Variants in NRG1 observed in about 807,000 individuals in gnomAD.
NRG1 encodes neuregulin 1.
Under a neutral mutation model 63.8 loss-of-function variants are expected in NRG1, and 18 were observed. That is an observed-to-expected ratio of 0.28 (90% CI 0.19 to 0.42). The LOEUF is 0.42. Ranked by LOEUF, NRG1 falls within the 10% of genes least tolerant of loss-of-function variation. The pLI is 1.00. For missense variants in NRG1, 762 were observed against 814.7 expected, an observed-to-expected ratio of 0.94 and a Z score of 0.79; for synonymous variants, 302 against 301.3, an observed-to-expected ratio of 1.00 and a Z score of -0.02.
intron 3 of NRG1, among the ~76,000 whole-genome samples, chr8:32,607,866 T>C (rs1845528559): frequency 6.6e-6 from 1 of 152,174 alleles, no homozygotes. Context: ...AATAGGTTCC[T>C]ATGGACTTAT....
chr8:32,741,000 G>T (rs973417808), intron 6 of NRG1, among the ~76,000 whole-genome samples: 2 of 152,032 alleles, frequency 1.3e-5, no homozygotes, highest in Admixed American at 6.6e-5. Flanking sequence ...CAAAATGATG[G>T]TCTTTCTATC....
At chr8:32,374,194 A>T (rs1490421203) in intron 1 of NRG1, among the ~76,000 whole-genome samples, 4 of 152,206 alleles carry the variant, frequency 2.6e-5, no homozygotes, top group Non-Finnish European at 5.9e-5. Flanking sequence ...GGAAATAGTG[A>T]GAAATACTCA....
intron 1 of NRG1, among the ~76,000 whole-genome samples, chr8:31,856,456 A>G (rs1827882881): frequency 6.6e-6 from 1 of 152,186 alleles, no homozygotes; most frequent in African/African-American, 2.4e-5. Context: ...CTTGGTTTTT[A>G]GCTCCATCAG....
At chr8:31,790,551 C>T (rs1275128216) in intron 1 of NRG1, among the ~76,000 whole-genome samples, 4 of 152,184 alleles carry the variant, frequency 2.6e-5, no homozygotes, top group Non-Finnish European at 5.9e-5. Flanking sequence ...CACAAGAATA[C>T]ATTTATTGGT....
At chr8:32,723,814 A>G (rs952945293) in intron 5 of NRG1, among the ~76,000 whole-genome samples, 7 of 151,658 alleles carry the variant, frequency 4.6e-5, no homozygotes, top group Non-Finnish European at 1.0e-4. Context: ...GGCAGGCTGA[A>G]AGGAAGAAAG....
intron 1 of NRG1, among the ~76,000 whole-genome samples, chr8:32,363,344 T>C (rs1363057771): frequency 6.6e-6 from 1 of 152,194 alleles, no homozygotes; most frequent in East Asian, 1.9e-4. Flanking sequence ...TCGAGTGCAT[T>C]GAAATGCATC....
At chr8:31,649,046 C>T (rs1318940878) in intron 1 of NRG1, among the ~76,000 whole-genome samples, 1 of 151,906 alleles carries the variant, frequency 6.6e-6, no homozygotes, top group Non-Finnish European at 1.5e-5. Context: ...GCAACCTCCA[C>T]CTCCTGAGTT....
intron 1 of NRG1, among the ~76,000 whole-genome samples, chr8:32,219,634 A>G (rs1845604789): frequency 1.3e-5 from 2 of 152,226 alleles, no homozygotes; most frequent in South Asian, 4.1e-4. Context: ...CAAATGCTTA[A>G]TATATTTCAT....
intron 1 of NRG1, among the ~76,000 whole-genome samples, chr8:32,280,332 A>C (rs16879107): frequency 0.049 from 7,471 of 152,316 alleles, 330 homozygotes; most frequent in Admixed American, 0.12. Flanking sequence ...ATCACTAATT[A>C]AATGAGATCT....
chr8:32,461,303 C>T (rs1822274305), intron 1 of NRG1, among the ~76,000 whole-genome samples: 1 of 152,146 alleles, frequency 6.6e-6, no homozygotes. Context: ...CAATCACAGT[C>T]TATGAAGGAA....
At chr8:32,210,659 C>T (rs1214222912) in intron 1 of NRG1, among the ~76,000 whole-genome samples, 1 of 152,176 alleles carries the variant, frequency 6.6e-6, no homozygotes, top group Non-Finnish European at 1.5e-5. Flanking sequence ...AAAGCAAACA[C>T]TAGCTGAATT....
chr8:31,700,258 C>T (rs560118565), intron 1 of NRG1, among the ~76,000 whole-genome samples: 1 of 151,982 alleles, frequency 6.6e-6, no homozygotes, highest in African/African-American at 2.4e-5. Context: ...AATTCCTGAT[C>T]CTGAAGTGGA....
chr8:32,313,818 T>G (rs1857078463), intron 1 of NRG1, among the ~76,000 whole-genome samples: 1 of 152,236 alleles, frequency 6.6e-6, no homozygotes, highest in South Asian at 2.1e-4. Context: ...TCTTTTAAGT[T>G]TCTCTTCCCT....
intron 5 of NRG1, among the ~76,000 whole-genome samples, chr8:32,725,761 A>G (rs1338539953): frequency 6.6e-6 from 1 of 151,978 alleles, no homozygotes; most frequent in Non-Finnish European, 1.5e-5. Context: ...GGCGTGATCC[A>G]CCGTACCCAG....
chr8:31,933,285 G>GGT (rs549154417), intron 1 of NRG1, among the ~76,000 whole-genome samples: 18 of 134,480 alleles, frequency 1.3e-4, no homozygotes, highest in African/African-American at 5.9e-4. Context: ...TATTATCCTC[G>GGT]TTTTTTTTTT....
Position 31,653,256 on chromosome 8 carries a change from T to A in NRG1, c.37+13825T>A, listed in dbSNP as rs571632749. On this transcript the variant is annotated intron_variant, in intron 1 of 10. Coordinates refer to the NRG1 transcript ENST00000519301. ...GCTATTTTCAACAAAAAATACTGAC[T>A]TGTGGCAAGTACTATGTCTTACTTA... is the stretch of plus-strand genomic sequence containing the variant. Among the ~76,000 whole-genome samples, 5 of 152,232 alleles carry A rather than the reference T, an allele frequency of 3.3e-5. No homozygotes were observed. The South Asian group carries it at 1.0e-3, about 32-fold the overall frequency.
At chr8:31,818,400 A>G (rs558230804) in intron 1 of NRG1, among the ~76,000 whole-genome samples, 13 of 152,290 alleles carry the variant, frequency 8.5e-5, no homozygotes, top group Middle Eastern at 3.4e-3. Flanking sequence ...ATGCTGGTGT[A>G]TAGTCTATAT....
chr8:31,677,675 G>A (rs1563283112), intron 1 of NRG1, among the ~76,000 whole-genome samples: 4 of 152,180 alleles, frequency 2.6e-5, no homozygotes, highest in Admixed American at 2.6e-4. Flanking sequence ...ATCATTTTCA[G>A]ACTCGCGGCA....
At chr8:32,711,909 A>G (rs1407250385) in intron 5 of NRG1, among the ~76,000 whole-genome samples, 1 of 152,184 alleles carries the variant, frequency 6.6e-6, no homozygotes, top group Non-Finnish European at 1.5e-5. Context: ...TTTCTTCAAT[A>G]ATAAGAAAAC....
Sources: gnomAD v4.1 joint callset for allele counts (sites outside exome capture counted in the v4.1 genomes callset) on GRCh38, gnomAD v4.1.1 for gene constraint, MANE v1.5 for transcripts, NCBI Gene and HGNC (gene_info 2026-07-23, HGNC 2026-07-21) for gene names.